The following CTSD variants were observed in gnomAD, a reference collection of about 807,000 sequenced individuals.
CTSD encodes cathepsin D.
Under a neutral mutation model 43.6 loss-of-function variants are expected in CTSD, and 28 were observed. The ratio of observed to expected loss-of-function variants is 0.64; its 90% CI spans 0.48 to 0.88. The LOEUF (loss-of-function observed/expected upper bound fraction) is 0.88, where lower values mean the gene tolerates loss of function less well. CTSD is among the 40% of genes least tolerant of loss of function. The probability of loss-of-function intolerance (pLI) is 0.00; values close to 1 mark genes in which losing one functional copy is unlikely to be tolerated. For missense variants in CTSD, 485 were observed against 555.2 expected (o/e 0.87, Z 1.27); for synonymous variants, 270 against 249.8 (o/e 1.08, Z -0.76).
At position 1,755,767 on chromosome 11, in the gene CTSD, G is replaced by A. The variant is rs1000760645; in HGVS notation, c.705-739C>T. Among the ~76,000 whole-genome samples, 8 of 152,132 alleles carry A rather than the reference G, an allele frequency of 5.3e-5. No homozygotes were observed. The East Asian group carries it at 5.8e-4, about 11-fold the overall frequency. On this transcript the variant is annotated intron_variant, in intron 5 of 8. Coordinates refer to ENST00000236671, the MANE Select transcript of CTSD (RefSeq NM_001909.5). Reference sequence around the variant, plus strand: ...GCCACCATCCCACTGCCTGTCACTCGAGGCAGTGCCAGGCCTGACCCAGTC... The same window carrying A: ...GCCACCATCCCACTGCCTGTCACTCAAGGCAGTGCCAGGCCTGACCCAGTC...
chr11:1,754,684 TGGAG>T (rs1207242269), intron 6 of CTSD, among the ~76,000 whole-genome samples: 1 of 119,924 alleles, frequency 8.3e-6, no homozygotes, highest in Non-Finnish European at 1.7e-5. Context: ...ATGGAGGAAA[TGGAG>T]GGATGGAGGG....
chr11:1,755,188 G>T, intron 5 of CTSD, 160 bp from the exon 6 acceptor site: 2 of 839,116 alleles, frequency 2.4e-6, no homozygotes, highest in African/African-American at 1.7e-5. Context: ...CAGGAGGAGG[G>T]ACAGACTCCC....
intron 6 of CTSD, chr11:1,754,373 A>T: frequency 1.8e-5 from 8 of 449,308 alleles, no homozygotes; most frequent in East Asian, 4.1e-5. Context: ...GATGGAGGGG[A>T]TGGAGGGGCA....
rs1178634880 is a variant in CTSD at position 1,763,845 on chromosome 11, G to A, written c.15C>T (p.Ser5=). ...GCAGGCAGAGGGCGAGCGGCAGAAG[G>A]CTGGAGGGCTGCATGGCGGCGGCGG... MQPS[S]LLPLALCLLA... The change falls in exon 1 of 9, where the codon AGC becomes AGT. Residue 5 remains serine, a synonymous_variant. Coordinates refer to ENST00000236671, the MANE Select transcript of CTSD (RefSeq NM_001909.5). 2.0e-6 allele frequency: 3 copies of A among 1,526,110 alleles called. No homozygotes were observed. Among genetic ancestry groups the A allele is most frequent in the East Asian group, 2.5e-5 (1 of 39,330 alleles). The allele number at this position is 1,526,110 out of a possible 1,614,324, so 94.5% of individuals were successfully genotyped here.
At chr11:1,758,835 T>C (rs1389717232) in intron 4 of CTSD, 134 bp downstream of exon 4, 10 of 772,838 alleles carry the variant, frequency 1.3e-5, no homozygotes. Context: ...CTCACCCTGC[T>C]GACTGCCCCG....
chr11:1,759,777 C>T, intron 2 of CTSD, 138 bp from the exon 3 acceptor site: 1 of 863,406 alleles, frequency 1.2e-6, no homozygotes, highest in Non-Finnish European at 1.7e-6. Context: ...TGCCAACAGC[C>T]ACCCACTCCC....
chr11:1,753,402 G>C lies in CTSD; in HGVS notation c.*101C>G. The stretch of plus-strand genomic sequence containing the variant: ...TTCCAGGGCGCCCAGGACAGTGGGC[G>C]GGCGAGTGTGTGGGTGTGTGTGGGA... On this transcript the variant is annotated 3_prime_UTR_variant, in exon 9 of 9. Transcript: ENST00000236671. 1 of 1,426,114 alleles carries C rather than the reference G, an allele frequency of 7.0e-7. No individual in the cohort carries two copies. 88.3% of individuals were successfully genotyped at this position (1,426,114 alleles called of 1,614,324 possible). A position where few individuals can be genotyped will look rare whatever the true frequency, so the allele number is the denominator to read the frequency against.
In CTSD at chr11:1,761,321, C is replaced by T. The variant is rs764982673; in HGVS notation, c.216G>A (p.Lys72=). 4.8e-5 allele frequency: 78 copies of T among 1,613,702 alleles called. No individual in the cohort carries two copies. The Admixed American group carries it at 1.3e-3, about 27-fold the overall frequency. ...VTEGPIPEVL[K]NYMDAQYYGE... ...ACCTCATACTCACGTCCATGTAGTT[C>T]TTGAGCACCTCGGGAATGGGCCCCT... The change falls in exon 2 of 9, where the codon AAG becomes AAA. Residue 72 remains lysine (K), a synonymous_variant. Coordinates refer to ENST00000236671, the MANE Select transcript of CTSD (RefSeq NM_001909.5).
intron 4 of CTSD, 139 bp downstream of exon 4, chr11:1,758,830 C>T: frequency 1.3e-6 from 1 of 764,298 alleles, no homozygotes; most frequent in Non-Finnish European, 2.4e-6. Context: ...CCCTCCTCAC[C>T]CTGCTGACTG....
chr11:1,755,134 G>A, intron 5 of CTSD, 106 bp from the exon 6 acceptor site: 3 of 1,356,602 alleles, frequency 2.2e-6, no homozygotes, highest in Non-Finnish European at 3.1e-6. Context: ...GCTTCCTGAA[G>A]GAGGGGCCTT....
At chr11:1,763,674 C>T in intron 1 of CTSD, 118 bp downstream of exon 1, 2 of 1,007,174 alleles carry the variant, frequency 2.0e-6, no homozygotes, top group Non-Finnish European at 2.8e-6. Flanking sequence ...TGCATTCCAG[C>T]GCGGGGGGCG....
At chr11:1,753,942 C>T in intron 7 of CTSD, 41 bp from the exon 8 acceptor site, 1 of 1,611,920 alleles carries the variant, frequency 6.2e-7, no homozygotes, top group Non-Finnish European at 8.5e-7. Context: ...TAGTGGTGGC[C>T]TTGGGGCTCC....
intron 5 of CTSD, 160 bp from the exon 6 acceptor site, chr11:1,755,188 G>A (rs1414929836): frequency 1.2e-6 from 1 of 838,998 alleles, no homozygotes; most frequent in Non-Finnish European, 2.0e-6. Flanking sequence ...CAGGAGGAGG[G>A]ACAGACTCCC....
chr11:1,754,127 G>A lies in CTSD; in HGVS notation c.839C>T (p.Ala280Val), dbSNP rs1346186536. Residue 280 changes from alanine to valine, a missense_variant, in exon 7 of 9, where the codon GCC becomes GTC. Ala to Val is a moderately conservative substitution (Grantham distance 64). Transcript: ENST00000236671. ...CTCCTTGCACAGGGTCAGCCCGCTG[G>A]CCACCTCCACCCTGCGGGGAGTCAG... ...WQVHLDQVEV[A>V]SGLTLCKEGC... 6.2e-7 allele frequency: 1 copy of A among 1,609,388 alleles called. No homozygotes were observed. The highest frequency in any genetic ancestry group is 1.1e-5 in the South Asian group (1 of 91,002).
intron 1 of CTSD, 181 bp downstream of exon 1, chr11:1,763,611 C>T (rs1845910140): frequency 7.2e-6 from 4 of 557,272 alleles, no homozygotes; most frequent in Non-Finnish European, 9.0e-6. Context: ...CTCCGGAGCC[C>T]GGCGCCCCGT....
At position 1,753,489 on chromosome 11, in the gene CTSD, G is replaced by A. The variant is rs556410676; in HGVS notation, c.*14C>T. ...CTCCTCTGTTTCTGTGCTGGCGCGC[G>A]GACGCCTTGGGAACTAGAGGCGGGC... On this transcript the variant is annotated 3_prime_UTR_variant, in exon 9 of 9. Coordinates refer to ENST00000236671, the MANE Select transcript of CTSD (RefSeq NM_001909.5). 45 of 1,612,882 alleles carry A rather than the reference G, an allele frequency of 2.8e-5. No individual in the cohort carries two copies. In the African/African-American group the frequency reaches 3.6e-4, roughly 13 times the overall value.
chr11:1,757,278 C>T (rs1169882842), intron 5 of CTSD, 46 bp downstream of exon 5: 16 of 1,530,548 alleles, frequency 1.0e-5, no homozygotes, highest in African/African-American at 5.5e-5. Context: ...TCCAGCCCCG[C>T]CCTGCCTCCC....
At chr11:1,759,262 C>G (rs1845845885) in intron 3 of CTSD, among the ~76,000 whole-genome samples, 175 bp from the exon 4 acceptor site, 1 of 152,180 alleles carries the variant, frequency 6.6e-6, no homozygotes, top group African/African-American at 2.4e-5. Context: ...GGACTGTGGG[C>G]TGTGACCCCG....
At position 1,754,371 on chromosome 11, in the gene CTSD, G is replaced by GAT. The variant is rs1845771003; in HGVS notation, c.828-234_828-233insAT. On this transcript the variant is annotated intron_variant, in intron 6 of 8. Coordinates refer to ENST00000236671, the MANE Select transcript of CTSD (RefSeq NM_001909.5). ...GGTGAGGGGCATGGAGGGATGGAGG[G>GAT]GATGGAGGGGCATAGAGGGATGGAG... 1.2e-4 allele frequency: 73 copies of GAT among 587,758 alleles called. No homozygotes were observed. In the Admixed American group the frequency reaches 2.0e-3, roughly 16 times the overall value. 36.4% of individuals were successfully genotyped at this position (587,758 alleles called of 1,614,324 possible).
Sources: gnomAD v4.1 joint callset for allele counts (sites outside exome capture counted in the v4.1 genomes callset) on GRCh38, gnomAD v4.1.1 for gene constraint, MANE v1.5 for transcripts, NCBI Gene and HGNC (gene_info 2026-07-23, HGNC 2026-07-21) for gene names.